Variants in TRPC4 observed in about 807,000 individuals in gnomAD.
TRPC4 encodes short transient receptor potential channel 4.
Under a neutral mutation model 99.4 loss-of-function variants are expected in TRPC4, and 49 were observed. The ratio of observed to expected loss-of-function variants is 0.49; its 90% CI spans 0.39 to 0.63. The LOEUF is 0.63. Ranked by LOEUF, TRPC4 falls within the 20% of genes least tolerant of loss-of-function variation. The pLI, the probability that TRPC4 is intolerant of heterozygous loss-of-function variation, is 0.00. For missense variants in TRPC4, 898 were observed against 1,152.9 expected (o/e 0.78, Z 3.20); for synonymous variants, 454 against 425.9 (o/e 1.07, Z -0.81).
At chr13:37,749,162 C>G (rs1955865466) in intron 2 of TRPC4, among the ~76,000 whole-genome samples, 1 of 152,050 alleles carries the variant, frequency 6.6e-6, no homozygotes, top group Non-Finnish European at 1.5e-5. Context: ...GCCTTGCTTC[C>G]ATTTTGCCTT....
intron 3 of TRPC4, among the ~76,000 whole-genome samples, chr13:37,710,769 A>T (rs2138983209): frequency 6.6e-6 from 1 of 151,998 alleles, no homozygotes; most frequent in Non-Finnish European, 1.5e-5. Context: ...AATCTGTATG[A>T]CTAGAGATAT....
At chr13:37,644,033 A>G (rs1951799189) in intron 8 of TRPC4, among the ~76,000 whole-genome samples, 1 of 152,174 alleles carries the variant, frequency 6.6e-6, no homozygotes, top group African/African-American at 2.4e-5. Flanking sequence ...CAATCTATGT[A>G]TAGGGGATTA....
intron 5 of TRPC4, among the ~76,000 whole-genome samples, chr13:37,671,833 G>A (rs184106522): frequency 2.4e-3 from 371 of 152,270 alleles, no homozygotes; most frequent in South Asian, 6.0e-3. Context: ...AACATACATT[G>A]TGCTAAATGC....
At chr13:37,785,293 T>A (rs1956940324) in intron 1 of TRPC4, among the ~76,000 whole-genome samples, 1 of 152,048 alleles carries the variant, frequency 6.6e-6, no homozygotes, top group Admixed American at 6.6e-5. Flanking sequence ...CTTGGCACCT[T>A]TTTTCTCATT....
At chr13:37,668,925 C>T (rs1952743706) in intron 5 of TRPC4, among the ~76,000 whole-genome samples, 1 of 152,086 alleles carries the variant, frequency 6.6e-6, no homozygotes, top group Non-Finnish European at 1.5e-5. Flanking sequence ...GTACATAATT[C>T]TGATTAAACA....
intron 2 of TRPC4, among the ~76,000 whole-genome samples, chr13:37,746,984 C>G (rs967383337): frequency 6.6e-6 from 1 of 152,118 alleles, no homozygotes; most frequent in Non-Finnish European, 1.5e-5. Context: ...CTAAATGTGG[C>G]AGCAAAAATA....
intron 1 of TRPC4, among the ~76,000 whole-genome samples, chr13:37,855,486 A>G (rs1959165724): frequency 6.6e-6 from 1 of 151,774 alleles, no homozygotes. Context: ...CAGACAGAAT[A>G]TCAACAAAGA....
intron 5 of TRPC4, among the ~76,000 whole-genome samples, chr13:37,670,482 G>A (rs1052046408): frequency 2.4e-4 from 37 of 152,064 alleles, no homozygotes; most frequent in Non-Finnish European, 4.3e-4. Context: ...TCATAACACC[G>A]GTAATCCCGT....
At chr13:37,794,896 C>T (rs907554652) in intron 1 of TRPC4, among the ~76,000 whole-genome samples, 7 of 151,984 alleles carry the variant, frequency 4.6e-5, no homozygotes, top group African/African-American at 1.7e-4. Flanking sequence ...CAGATAAACA[C>T]AATTAAGAGA....
intron 1 of TRPC4, among the ~76,000 whole-genome samples, chr13:37,837,961 T>G (rs1958612758): frequency 6.6e-6 from 1 of 152,202 alleles, no homozygotes; most frequent in Admixed American, 6.5e-5. Flanking sequence ...TCACGAGGGC[T>G]GATGGTTTCA....
At chr13:37,770,394 A>G (rs17056611) in intron 2 of TRPC4, among the ~76,000 whole-genome samples, 15,124 of 151,576 alleles carry the variant, frequency 0.1, 1,104 homozygotes, top group African/African-American at 0.21. Flanking sequence ...TTTTAAGGTT[A>G]GACATTGATT....
chr13:37,669,793 C>T (rs1298533830), intron 5 of TRPC4, among the ~76,000 whole-genome samples: 1 of 152,140 alleles, frequency 6.6e-6, no homozygotes, highest in Non-Finnish European at 1.5e-5. Flanking sequence ...GTCATAGTCA[C>T]AGCAATTCCA....
rs1951524056 is a variant in TRPC4 at position 37,636,564 on chromosome 13, A to C, written c.*339T>G. ...TTTTGAATATAAAAATATCTATTTT[A>C]GGAGTCAACTACCACATGAAATAAA... On this transcript the variant is annotated 3_prime_UTR_variant, in exon 11 of 11. Coordinates refer to ENST00000379705, the MANE Select transcript of TRPC4 (RefSeq NM_016179.4). 1 of 173,836 alleles carries C rather than the reference A, an allele frequency of 5.8e-6. No individual in the cohort carries two copies. The highest frequency in any genetic ancestry group is 1.8e-4 in the South Asian group (1 of 5,506). The allele number at this position is 173,836 out of a possible 1,614,324, so 10.8% of individuals were successfully genotyped here. A position where few individuals can be genotyped will look rare whatever the true frequency, so the allele number is the denominator to read the frequency against.
chr13:37,855,265 A>G (rs1959157523), intron 1 of TRPC4, among the ~76,000 whole-genome samples: 1 of 150,808 alleles, frequency 6.6e-6, no homozygotes, highest in African/African-American at 2.4e-5. Context: ...ATAATATCAA[A>G]GGAGTCAATC....
intron 4 of TRPC4, among the ~76,000 whole-genome samples, chr13:37,674,879 A>G (rs1952991784): frequency 6.6e-6 from 1 of 152,200 alleles, no homozygotes; most frequent in Non-Finnish European, 1.5e-5. Context: ...AGCATTCATG[A>G]TAATTCATTA....
chr13:37,748,446 G>T (rs1257474730), intron 2 of TRPC4, among the ~76,000 whole-genome samples: 1 of 151,798 alleles, frequency 6.6e-6, no homozygotes, highest in Non-Finnish European at 1.5e-5. Flanking sequence ...TTAAAAATAA[G>T]TATAATATAT....
intron 3 of TRPC4, among the ~76,000 whole-genome samples, chr13:37,745,459 T>TGC (rs1355136401): frequency 2.8e-4 from 24 of 86,834 alleles, no homozygotes; most frequent in African/African-American, 1.9e-3. Flanking sequence ...TATATATATA[T>TGC]ATATATATAT....
intron 1 of TRPC4, among the ~76,000 whole-genome samples, chr13:37,798,824 A>G (rs758504112): frequency 6.6e-6 from 1 of 152,156 alleles, no homozygotes; most frequent in Non-Finnish European, 1.5e-5. Context: ...GGTAACAAAT[A>G]TTATACTAGA....
At chr13:37,793,953 TAG>T (rs894088050) in intron 1 of TRPC4, among the ~76,000 whole-genome samples, 1 of 152,046 alleles carries the variant, frequency 6.6e-6, no homozygotes, top group Non-Finnish European at 1.5e-5. Flanking sequence ...TGGGAAAAAA[TAG>T]AGAGACTCAA....
Sources: gnomAD v4.1 joint callset for allele counts (sites outside exome capture counted in the v4.1 genomes callset) on GRCh38, gnomAD v4.1.1 for gene constraint, MANE v1.5 for transcripts, NCBI Gene and HGNC (gene_info 2026-07-23, HGNC 2026-07-21) for gene names.